The following ITGB4 variants were observed in gnomAD, a reference collection of about 807,000 sequenced individuals.
ITGB4 encodes integrin beta-4.
In ITGB4, 159 loss-of-function variants were observed where a neutral mutation model predicts 207.6. The observed-to-expected ratio is 0.77, with a 90% CI of 0.67 to 0.87. The LOEUF is 0.87. Ranked by LOEUF, ITGB4 falls within the 40% of genes least tolerant of loss-of-function variation. ITGB4 has a pLI of 0.00. For synonymous variants in ITGB4, 1,020 were observed against 1,062.7 expected (o/e 0.96, Z 0.78); for missense variants, 2,278 against 2,546.8 (o/e 0.89, Z 2.27).
chr17:75,751,506 A>G (rs2061366370), intron 30 of ITGB4: 1 of 293,066 alleles, frequency 3.4e-6, no homozygotes, highest in African/African-American at 2.2e-5. Flanking sequence ...TATTTTGTAC[A>G]TTGAGAGGCC....
chr17:75,742,196 C>T lies in ITGB4; in HGVS notation c.2634-145C>T. 2 of 1,056,232 alleles carry T rather than the reference C, an allele frequency of 1.9e-6. No individual in the cohort carries two copies. The highest frequency in any genetic ancestry group is 2.8e-5 in the South Asian group (2 of 71,480). The allele number at this position is 1,056,232 out of a possible 1,614,324, so 65.4% of individuals were successfully genotyped here. A position where few individuals can be genotyped will look rare whatever the true frequency, so the allele number is the denominator to read the frequency against. ...TAAAGGGTATGGGGCTGGCATAGGC[C>T]TGGAGCACTGCCTGCCTCTGAAGAC... On this transcript the variant is annotated intron_variant, in intron 23 of 39. Transcript: ENST00000200181. The surrounding 1 kb of genome is among the most constrained non-coding windows in gnomAD (Gnocchi z 5.9).
Position 75,729,457 on chromosome 17 carries a change from T to C in ITGB4, c.738+21T>C. 1 of 1,612,204 alleles carries C rather than the reference T, an allele frequency of 6.2e-7. No homozygotes were observed. The highest frequency in any genetic ancestry group is 8.5e-7 in the Non-Finnish European group (1 of 1,179,022). ...GCACGGTGGGCACTGGGAAGGGTGCTGCCAGCCTAGGCCAGGGGTGAGCAC... is the reference window on the plus strand; with the variant it reads ...GCACGGTGGGCACTGGGAAGGGTGCCGCCAGCCTAGGCCAGGGGTGAGCAC... On this transcript the variant is annotated intron_variant, in intron 7 of 39. Transcript: ENST00000200181. This position sits in a 1 kb window ranked among gnomAD's most constrained non-coding sequence, Gnocchi z 4.4.
In ITGB4 at chr17:75,732,329, C is replaced by A; in HGVS notation, c.1454+90C>A. On this transcript the variant is annotated intron_variant, in intron 12 of 39. Transcript: ENST00000200181. The surrounding 1 kb of genome is among the most constrained non-coding windows in gnomAD (Gnocchi z 5.3). ...TGCAGGGGCCTGGCCCTGGGTGCAC[C>A]TTGTACACCTGGCTGGGGGTGGGGC... 16 of 1,229,306 alleles carry A rather than the reference C, an allele frequency of 1.3e-5. No individual in the cohort carries two copies. Among genetic ancestry groups the A allele is most frequent in the Non-Finnish European group, 1.7e-5 (14 of 836,602 alleles). 76.1% of individuals were successfully genotyped at this position (1,229,306 alleles called of 1,614,324 possible).
At position 75,731,358 on chromosome 17, in the gene ITGB4, G is replaced by C. The variant is rs748554997; in HGVS notation, c.1205G>C (p.Arg402Pro). The change falls in exon 10 of 40, where the codon CGG becomes CCG. Residue 402 changes from arginine (R) to proline (P), a missense_variant. By Grantham distance (103) the Arg-to-Pro change is moderately radical. Transcript: ENST00000200181. The surrounding 1 kb of genome is among the most constrained non-coding windows in gnomAD (Gnocchi z 6.8). The part of the protein sequence containing the change: ...KTRTGSFHIR[R>P]GEVGIYQVQL... ...AGGACTGGGTCCTTTCACATCCGGC[G>C]GGGGGAAGTGGTACGCCTCTGTGGG... 7 of 1,611,934 alleles carry C rather than the reference G, an allele frequency of 4.3e-6. 1 individual carries two copies. In the South Asian group the frequency reaches 7.7e-5, roughly 18 times the overall value.
At position 75,750,089 on chromosome 17, in the gene ITGB4, C is replaced by T. The variant is rs759535243; in HGVS notation, c.3317-22C>T. ...GTGAAGGGGGATCTGAGTGGTTGCC[C>T]GGCCCCAACCTGACCCGTTAGATGA... On this transcript the variant is annotated intron_variant, in intron 27 of 39. Transcript: ENST00000200181. The surrounding 1 kb of genome is among the most constrained non-coding windows in gnomAD (Gnocchi z 5.5). The T allele has an allele frequency of 1.1e-4, 184 of 1,613,232 alleles. No individual in the cohort carries two copies. Among genetic ancestry groups the T allele is most frequent in the Non-Finnish European group, 2.1e-5 (25 of 1,179,996 alleles).
At position 75,723,250 on chromosome 17, in the gene ITGB4, C is replaced by T. The variant is rs545701829; in HGVS notation, c.-10-1444C>T. Among the ~76,000 whole-genome samples the T allele has an allele frequency of 1.1e-4, 17 of 152,278 alleles. No homozygotes were observed. In the South Asian group the frequency reaches 2.9e-3, roughly 26 times the overall value. On this transcript the variant is annotated intron_variant, in intron 1 of 39. Transcript: ENST00000200181. ...AAACGGGCAGAATGAAATCATCTCC[C>T]GCCGGGCTCCTGTGCTGAGCAATCT...
chr17:75,736,382 C>T lies in ITGB4; in HGVS notation c.1856C>T (p.Ser619Leu), dbSNP rs2060975627. The change falls in exon 15 of 40, where the codon TCG (serine) becomes TTG (leucine). Residue 619 changes from serine (S) to leucine (L), a missense_variant. Ser to Leu is a moderately radical substitution (Grantham distance 145). Transcript: ENST00000200181. Reference protein sequence around the residue: ...YTDTICEINYSAIHPGLCEDL... With the variant: ...YTDTICEINYLAIHPGLCEDL... ...GACACCATCTGCGAGATCAACTACT[C>T]GGCGGTGAGGCTAAGACCTACGAGG... is the stretch of plus-strand genomic sequence containing the variant. The T allele has an allele frequency of 5.6e-6, 9 of 1,614,024 alleles. No individual in the cohort carries two copies. Among genetic ancestry groups the T allele is most frequent in the African/African-American group, 1.3e-5 (1 of 75,052 alleles).
At chr17:75,741,800 C>T (rs1467402678) in intron 23 of ITGB4, among the ~76,000 whole-genome samples, 2 of 150,528 alleles carry the variant, frequency 1.3e-5, no homozygotes, top group African/African-American at 4.9e-5. Context: ...AGTGAGAATC[C>T]GTCTTGAAAA....
intron 1 of ITGB4, among the ~76,000 whole-genome samples, chr17:75,723,042 A>G (rs376522659): frequency 6.6e-6 from 1 of 152,170 alleles, no homozygotes; most frequent in East Asian, 1.9e-4. Flanking sequence ...TTCTAAACAA[A>G]TGAAGCCAAA....
At chr17:75,755,230 C>T in intron 34 of ITGB4, 6 of 1,595,578 alleles carry the variant, frequency 3.8e-6, no homozygotes, top group Non-Finnish European at 5.1e-6. Context: ...CAGGGGTGGC[C>T]ATCCTGTCTC....
At position 75,722,504 on chromosome 17, in the gene ITGB4, A is replaced by G. The variant is rs369043761; in HGVS notation, c.-11+892A>G. Among the ~76,000 whole-genome samples the G allele has an allele frequency of 6.6e-6, 1 of 152,214 alleles. No homozygotes were observed. The highest frequency in any genetic ancestry group is 1.9e-4 in the East Asian group (1 of 5,206). On this transcript the variant is annotated intron_variant, in intron 1 of 39. Transcript: ENST00000200181. This position sits in a 1 kb window ranked among gnomAD's most constrained non-coding sequence, Gnocchi z 6.2. The stretch of plus-strand genomic sequence containing the variant: ...TCCTGGGGGCTGAGGGAAGGACAGC[A>G]GGAGGGACAGGAGGGGAGGTATGTC...
intron 6 of ITGB4, 123 bp downstream of exon 6, chr17:75,728,596 C>G: frequency 1.3e-6 from 1 of 788,972 alleles, no homozygotes; most frequent in Admixed American, 2.0e-5. Flanking sequence ...TGCCTGTAAT[C>G]CCAGCACTTT....
chr17:75,728,303 C>A (rs2060767985), intron 5 of ITGB4, 74 bp from the exon 6 acceptor site: 3 of 1,268,938 alleles, frequency 2.4e-6, no homozygotes, highest in Admixed American at 1.7e-5. Flanking sequence ...TCTGAGCCAG[C>A]CCTTGGTGGG....
In ITGB4 at chr17:75,740,936, C is replaced by T; in HGVS notation, c.2610-46C>T. 4 of 1,613,914 alleles carry T rather than the reference C, an allele frequency of 2.5e-6. No individual in the cohort carries two copies. Among genetic ancestry groups the T allele is most frequent in the South Asian group, 1.1e-5 (1 of 91,080 alleles). On this transcript the variant is annotated intron_variant, in intron 22 of 39. Transcript: ENST00000200181. The surrounding 1 kb of genome is among the most constrained non-coding windows in gnomAD (Gnocchi z 5.9). ...CGAAGCCCCCAGGCCGATCAGGCCT[C>T]CACTTCAGGGCTATCTAGCTCACAG... is the stretch of plus-strand genomic sequence containing the variant.
At chr17:75,748,197 C>CAG (rs780877973) in intron 26 of ITGB4, among the ~76,000 whole-genome samples, 1 of 78,662 alleles carries the variant, frequency 1.3e-5, no homozygotes, top group African/African-American at 5.1e-5. Context: ...CGTGCCTCTA[C>CAG]AAAAAAAAAA....
rs771793949 is a variant in ITGB4 at position 75,731,937 on chromosome 17, C to CGCGGGCATCATCTGTGAT, written c.1343_1360dup (p.Ala448_Asp453dup). The CGCGGGCATCATCTGTGAT allele has an allele frequency of 6.2e-7, 1 of 1,614,074 alleles. No individual in the cohort carries two copies. Among genetic ancestry groups the CGCGGGCATCATCTGTGAT allele is most frequent in the East Asian group, 2.2e-5 (1 of 44,888 alleles). ...CCTTCTCCGACGGCCTCAAGATGGA[C>CGCGGGCATCATCTGTGAT]GCGGGCATCATCTGTGATGTGTGCA... On this transcript the variant is annotated inframe_insertion, in exon 11 of 40. Coordinates refer to ENST00000200181, the MANE Select transcript of ITGB4 (RefSeq NM_000213.5). This position sits in a 1 kb window ranked among gnomAD's most constrained non-coding sequence, Gnocchi z 6.8.
rs56351330 is a variant in ITGB4 at position 75,746,929 on chromosome 17, C to CAA, written c.3112-1892_3112-1891dup. On this transcript the variant is annotated intron_variant, in intron 26 of 39. Transcript: ENST00000200181. ...GGGTGACAGAGTGAAACCCCTGTCT[C>CAA]AAAAAAAAAAAAAAAAAAAAAGCTT... 3.6e-3 allele frequency among the ~76,000 whole-genome samples: 251 copies of CAA among 70,482 alleles called. 1 individual carries two copies. Among genetic ancestry groups the CAA allele is most frequent in the African/African-American group, 0.01 (183 of 18,178 alleles). 46.2% of individuals were successfully genotyped at this position (70,482 alleles called of 152,430 possible).
At chr17:75,755,147 C>G (rs199859829) in intron 34 of ITGB4, 11 of 1,611,900 alleles carry the variant, frequency 6.8e-6, no homozygotes, top group East Asian at 6.7e-5. Context: ...AGGGTTCCCC[C>G]CTTCCAGGGG....
rs1002936688 is a variant in ITGB4 at position 75,736,386 on chromosome 17, G to A, written c.1860G>A (p.Ala620=). 5.0e-6 allele frequency: 8 copies of A among 1,613,938 alleles called. No homozygotes were observed. The highest frequency in any genetic ancestry group is 2.7e-5 in the African/African-American group (2 of 74,926). The change falls in exon 15 of 40, where the codon GCG becomes GCA. Residue 620 remains alanine (A), a splice_region_variant and synonymous_variant. Transcript: ENST00000200181. ...CCATCTGCGAGATCAACTACTCGGC[G>A]GTGAGGCTAAGACCTACGAGGTGTG... ...TDTICEINYS[A]IHPGLCEDLR...
Sources: allele counts gnomAD v4.1 joint callset (sites outside exome capture counted in the v4.1 genomes callset), GRCh38; gene constraint gnomAD v4.1.1; non-coding constraint Gnocchi (gnomAD v3.1); transcripts MANE v1.5; gene names NCBI Gene and HGNC (gene_info 2026-07-23, HGNC 2026-07-21).